CNTNAP2: variants seen among roughly 807,000 people sequenced by gnomAD.
CNTNAP2 encodes the protein contactin associated protein 2, also known as contactin-associated protein-like 2.
A neutral mutation model predicts 155.2 loss-of-function variants in CNTNAP2; 98 were observed. The ratio of observed to expected loss-of-function variants is 0.63; its 90% CI spans 0.54 to 0.75. The LOEUF (loss-of-function observed/expected upper bound fraction) is 0.75, where lower values mean the gene tolerates loss of function less well. Among genes scored for constraint, CNTNAP2 ranks in the 30% least tolerant of loss-of-function variants. The pLI is 0.00. For missense variants in CNTNAP2, 1,727 were observed against 1,688.1 expected (o/e 1.02, Z -0.40); for synonymous variants, 651 against 631.2 (o/e 1.03, Z -0.47).
intron 3 of CNTNAP2, 120 bp from the exon 4 acceptor site, chr7:147,043,787 C>T (rs980522217): frequency 4.8e-5 from 57 of 1,196,730 alleles, no homozygotes; most frequent in Admixed American, 2.6e-4. Flanking sequence ...AAATTATTTA[C>T]GGTGTAAGAA....
chr7:147,856,273 A>T (rs1799038139), intron 13 of CNTNAP2, among the ~76,000 whole-genome samples: 1 of 152,144 alleles, frequency 6.6e-6, no homozygotes, highest in South Asian at 2.1e-4. Context: ...CCCAGGCCAG[A>T]CTCACTACAT....
rs147098449 is a variant in CNTNAP2 at position 146,948,486 on chromosome 7, A to G, written c.403-95421A>G. Among the ~76,000 whole-genome samples, 1,292 of 152,236 alleles carry G rather than the reference A, an allele frequency of 8.5e-3. 19 individuals are homozygous for G. Among genetic ancestry groups the G allele is most frequent in the African/African-American group, 0.029 (1,185 of 41,538 alleles). ...ATCTAAATATTATCTCTATACTTTT[A>G]TAAATTAATGTTAGTCTGACAAAAA... On this transcript the variant is annotated intron_variant, in intron 3 of 23. Coordinates refer to ENST00000361727, the MANE Select transcript of CNTNAP2 (RefSeq NM_014141.6).
At chr7:146,318,927 G>A (rs756984211) in intron 1 of CNTNAP2, among the ~76,000 whole-genome samples, 8 of 152,002 alleles carry the variant, frequency 5.3e-5, no homozygotes, top group South Asian at 2.1e-4. Context: ...AAATATAACC[G>A]ATTGACAGCC....
intron 2 of CNTNAP2, among the ~76,000 whole-genome samples, chr7:146,776,768 T>G (rs1802397211): frequency 6.6e-6 from 1 of 152,200 alleles, no homozygotes; most frequent in African/African-American, 2.4e-5. Context: ...AAATTATTTT[T>G]TCTTTGTTTT....
intron 1 of CNTNAP2, among the ~76,000 whole-genome samples, chr7:146,401,606 CT>C (rs764784806): frequency 1.3e-5 from 2 of 152,086 alleles, no homozygotes; most frequent in African/African-American, 4.8e-5. Flanking sequence ...CAAAGAGTAT[CT>C]TTATGGTTTA....
intron 1 of CNTNAP2, among the ~76,000 whole-genome samples, chr7:146,287,025 A>G (rs983074067): frequency 1.3e-5 from 2 of 152,214 alleles, no homozygotes; most frequent in African/African-American, 4.8e-5. Flanking sequence ...AACAACCTCA[A>G]TAAGAAGAGC....
intron 1 of CNTNAP2, among the ~76,000 whole-genome samples, chr7:146,503,224 C>A (rs77940009): frequency 1.3e-5 from 2 of 151,810 alleles, no homozygotes; most frequent in Admixed American, 1.3e-4. Flanking sequence ...TTGTTTGTTT[C>A]TTTTTGCTTT....
At chr7:147,751,809 T>C (rs1443853159) in intron 13 of CNTNAP2, among the ~76,000 whole-genome samples, 1 of 152,236 alleles carries the variant, frequency 6.6e-6, no homozygotes, top group Non-Finnish European at 1.5e-5. Flanking sequence ...TCCTCTTAGG[T>C]ACCTGCATTA....
intron 1 of CNTNAP2, among the ~76,000 whole-genome samples, chr7:146,360,967 C>T (rs1453170282): frequency 6.6e-6 from 1 of 152,118 alleles, no homozygotes; most frequent in Non-Finnish European, 1.5e-5. Flanking sequence ...TCATTTTCTT[C>T]TATTAGTATT....
At chr7:147,518,014 C>T (rs1420577482) in intron 11 of CNTNAP2, among the ~76,000 whole-genome samples, 1 of 152,182 alleles carries the variant, frequency 6.6e-6, no homozygotes, top group Non-Finnish European at 1.5e-5. Flanking sequence ...TCACTGCAAC[C>T]TCTGCCTCCT....
At chr7:147,143,571 A>AT (rs1014560855) in intron 8 of CNTNAP2, among the ~76,000 whole-genome samples, 17 of 152,194 alleles carry the variant, frequency 1.1e-4, no homozygotes, top group South Asian at 8.3e-4. Context: ...CAGTTGATTG[A>AT]TTTTTTTAAT....
chr7:148,074,919 G>A (rs1803456382), intron 15 of CNTNAP2, among the ~76,000 whole-genome samples: 1 of 151,990 alleles, frequency 6.6e-6, no homozygotes, highest in Non-Finnish European at 1.5e-5. Context: ...TAAATTATTG[G>A]TATAAACAAA....
intron 12 of CNTNAP2, among the ~76,000 whole-genome samples, chr7:147,592,034 C>T (rs1800743902): frequency 6.6e-6 from 1 of 152,224 alleles, no homozygotes; most frequent in Non-Finnish European, 1.5e-5. Flanking sequence ...TGTTCTTCCT[C>T]TGTCTCCCAG....
intron 1 of CNTNAP2, among the ~76,000 whole-genome samples, chr7:146,244,640 G>A (rs1009595392): frequency 2.6e-5 from 4 of 152,076 alleles, no homozygotes; most frequent in African/African-American, 9.7e-5. Context: ...GGACCATAAA[G>A]GATATAAAGG....
chr7:147,950,004 AC>A (rs1186601070), intron 14 of CNTNAP2, among the ~76,000 whole-genome samples: 2 of 152,126 alleles, frequency 1.3e-5, no homozygotes, highest in African/African-American at 2.4e-5. Flanking sequence ...AATGCAAGTG[AC>A]ATTTTCTTGT....
At chr7:148,231,265 G>T (rs2116781827) in intron 20 of CNTNAP2, among the ~76,000 whole-genome samples, 1 of 152,294 alleles carries the variant, frequency 6.6e-6, no homozygotes, top group South Asian at 2.1e-4. Flanking sequence ...TGGAGGCACA[G>T]AAAGCCAGAG....
intron 2 of CNTNAP2, among the ~76,000 whole-genome samples, chr7:146,805,703 C>A (rs573213953): frequency 1.3e-5 from 2 of 152,026 alleles, no homozygotes; most frequent in African/African-American, 4.8e-5. Context: ...GCAGCCACAC[C>A]GTAACTAGTT....
chr7:147,047,763 G>T (rs989707759), intron 4 of CNTNAP2, among the ~76,000 whole-genome samples: 2 of 152,152 alleles, frequency 1.3e-5, no homozygotes, highest in East Asian at 1.9e-4. Context: ...TCAAGCCTGG[G>T]CTTTGACAAT....
intron 17 of CNTNAP2, among the ~76,000 whole-genome samples, chr7:148,170,796 T>C (rs564517411): frequency 6.6e-6 from 1 of 152,320 alleles, no homozygotes; most frequent in South Asian, 2.1e-4. Flanking sequence ...TCCAGTCCTG[T>C]CTGACCAATC....
Sources: allele counts gnomAD v4.1 joint callset (sites outside exome capture counted in the v4.1 genomes callset), GRCh38; gene constraint gnomAD v4.1.1; transcripts MANE v1.5; gene names NCBI Gene and HGNC (gene_info 2026-07-23, HGNC 2026-07-21).